Variants in YARS1 observed in about 807,000 individuals in gnomAD.
YARS1 encodes the protein tyrosyl-tRNA synthetase 1, also known as tyrosine--tRNA ligase, cytoplasmic.
In YARS1, 36 loss-of-function variants were observed where a neutral mutation model predicts 62.2. The observed-to-expected ratio is 0.58, with a 90% CI of 0.44 to 0.76. The LOEUF is 0.76. YARS1 is among the 30% of genes least tolerant of loss of function. The pLI is 0.00. For missense variants in YARS1, 524 were observed against 639.8 expected (o/e 0.82, Z 1.95); for synonymous variants, 234 against 244.9 (o/e 0.96, Z 0.42).
intron 12 of YARS1, among the ~76,000 whole-genome samples, chr1:32,778,229 C>T (rs948401365): frequency 2.0e-5 from 3 of 152,096 alleles, no homozygotes; most frequent in African/African-American, 7.2e-5. Context: ...CAGAATACTG[C>T]CTGACAGCTA....
At chr1:32,811,561 A>G (rs1465942936) in intron 1 of YARS1, 5 of 176,700 alleles carry the variant, frequency 2.8e-5, no homozygotes, top group African/African-American at 1.2e-4. Context: ...TGTCTTTCTA[A>G]CTTTTTTGCC....
At chr1:32,784,111 C>A (rs1653145272) in intron 8 of YARS1, among the ~76,000 whole-genome samples, 1 of 151,496 alleles carries the variant, frequency 6.6e-6, no homozygotes, top group African/African-American at 2.4e-5. Context: ...CTCAAGCGAT[C>A]CTCCCACCTC....
At chr1:32,797,998 G>A (rs936172870) in intron 4 of YARS1, 155 bp from the exon 5 acceptor site, 1 of 662,136 alleles carries the variant, frequency 1.5e-6, no homozygotes, top group Non-Finnish European at 2.7e-6. Context: ...AGCCTCCCGA[G>A]TAGTTGGGAT....
intron 4 of YARS1, chr1:32,798,349 T>C (rs1403674129): frequency 1.1e-5 from 2 of 174,146 alleles, no homozygotes; most frequent in African/African-American, 4.8e-5. Context: ...TCTATGTGGA[T>C]GTCATGGGAT....
Position 32,779,541 on chromosome 1 carries a change from A to C in YARS1, c.1335-18T>G. 6.2e-7 allele frequency: 1 copy of C among 1,614,154 alleles called. No homozygotes were observed. Reference sequence around the variant, plus strand: ...TCCCTTCTCTGGGAAGACACAGGACAAGAGAAGAGTGAGGCTATGGATGGG... The same window carrying C: ...TCCCTTCTCTGGGAAGACACAGGACCAGAGAAGAGTGAGGCTATGGATGGG... On this transcript the variant is annotated intron_variant, in intron 11 of 12. Coordinates refer to ENST00000373477, the MANE Select transcript of YARS1 (RefSeq NM_003680.4).
At chr1:32,813,035 T>C (rs1177630211) in intron 1 of YARS1, among the ~76,000 whole-genome samples, 2 of 151,444 alleles carry the variant, frequency 1.3e-5, no homozygotes, top group Admixed American at 6.6e-5. Flanking sequence ...CTGACTTCAA[T>C]TCTTCAGGCA....
chr1:32,804,615 C>T (rs1002210832), intron 4 of YARS1, among the ~76,000 whole-genome samples: 13 of 150,188 alleles, frequency 8.7e-5, no homozygotes, highest in South Asian at 4.2e-4. Flanking sequence ...CGGACAGAGG[C>T]GCTCCTCACA....
intron 12 of YARS1, among the ~76,000 whole-genome samples, chr1:32,777,104 A>G (rs1205166121): frequency 2.0e-5 from 3 of 150,116 alleles, no homozygotes; most frequent in Non-Finnish European, 4.4e-5. Flanking sequence ...ATCTTGGCTC[A>G]CTGCAACCTC....
chr1:32,806,943 A>G (rs964778486), intron 3 of YARS1, among the ~76,000 whole-genome samples: 3 of 152,202 alleles, frequency 2.0e-5, no homozygotes, highest in Non-Finnish European at 2.9e-5. Flanking sequence ...CACCCCTTGA[A>G]TCTAAAATAA....
intron 1 of YARS1, among the ~76,000 whole-genome samples, chr1:32,815,013 G>A (rs1569785981): frequency 6.6e-6 from 1 of 152,134 alleles, no homozygotes; most frequent in Admixed American, 6.6e-5. Flanking sequence ...GACACTTGGA[G>A]GGTTCTCACC....
At chr1:32,808,995 A>C (rs940003541) in intron 3 of YARS1, among the ~76,000 whole-genome samples, 3 of 152,344 alleles carry the variant, frequency 2.0e-5, no homozygotes, top group Admixed American at 2.0e-4. Flanking sequence ...AGATCTGTAG[A>C]TTAAGTGTAA....
intron 8 of YARS1, among the ~76,000 whole-genome samples, chr1:32,785,783 C>G (rs141639754): frequency 6.6e-6 from 1 of 151,796 alleles, no homozygotes; most frequent in African/African-American, 2.4e-5. Context: ...GGGGTTTCTC[C>G]GTGTTGGTCA....
intron 5 of YARS1, among the ~76,000 whole-genome samples, chr1:32,793,638 C>G (rs1187407667): frequency 6.6e-6 from 1 of 151,968 alleles, no homozygotes; most frequent in Non-Finnish European, 1.5e-5. Context: ...GACCCTGTCT[C>G]AAAGAAAACA....
At chr1:32,800,261 T>G (rs762314150) in intron 4 of YARS1, among the ~76,000 whole-genome samples, 54 of 152,004 alleles carry the variant, frequency 3.6e-4, no homozygotes, top group Non-Finnish European at 6.2e-4. Flanking sequence ...GGATTACAGG[T>G]GCCAGCCACT....
chr1:32,791,342 A>C (rs1653406737), intron 5 of YARS1, 88 bp from the exon 6 acceptor site: 3 of 999,756 alleles, frequency 3.0e-6, no homozygotes, highest in African/African-American at 3.2e-5. Context: ...CCAGCAACTG[A>C]GTAGTTGTTA....
intron 8 of YARS1, 129 bp from the exon 9 acceptor site, chr1:32,782,668 G>T: frequency 7.7e-7 from 1 of 1,294,496 alleles, no homozygotes; most frequent in Non-Finnish European, 1.1e-6. Flanking sequence ...ATCTTGTGAG[G>T]CAGGTAGGAG....
intron 8 of YARS1, among the ~76,000 whole-genome samples, chr1:32,784,003 A>G (rs1292970868): frequency 1.3e-5 from 2 of 150,256 alleles, no homozygotes; most frequent in Non-Finnish European, 3.0e-5. Context: ...AATTCCCACA[A>G]AAGACTTTTT....
At chr1:32,800,392 C>T (rs1177714411) in intron 4 of YARS1, among the ~76,000 whole-genome samples, 2 of 152,032 alleles carry the variant, frequency 1.3e-5, no homozygotes, top group African/African-American at 4.8e-5. Flanking sequence ...GCAATTTCAG[C>T]ACTTTGGGAG....
At chr1:32,788,332 C>T (rs1653303989) in intron 6 of YARS1, among the ~76,000 whole-genome samples, 2 of 152,122 alleles carry the variant, frequency 1.3e-5, no homozygotes, top group South Asian at 4.1e-4. Context: ...TTCACTGTAA[C>T]CTCGAACTCC....
Sources: allele counts gnomAD v4.1 joint callset (sites outside exome capture counted in the v4.1 genomes callset), GRCh38; gene constraint gnomAD v4.1.1; transcripts MANE v1.5; gene names NCBI Gene and HGNC (gene_info 2026-07-23, HGNC 2026-07-21).